CNTNAP5: variants seen among roughly 807,000 people sequenced by gnomAD.
CNTNAP5 encodes contactin-associated protein-like 5.
In CNTNAP5, 72 loss-of-function variants were observed where a neutral mutation model predicts 150.2. The ratio of observed to expected loss-of-function variants is 0.48; its 90% confidence interval spans 0.40 to 0.58. The LOEUF (loss-of-function observed/expected upper bound fraction) is 0.58, where lower values mean the gene tolerates loss of function less well. Ranked by LOEUF, CNTNAP5 falls within the 20% of genes least tolerant of loss-of-function variation. The pLI, the probability that CNTNAP5 is intolerant of heterozygous loss-of-function variation, is 0.00. For missense variants in CNTNAP5, 1,636 were observed against 1,626.2 expected (o/e 1.01, Z -0.10); for synonymous variants, 672 against 619.8 (o/e 1.08, Z -1.25).
intron 4 of CNTNAP5, among the ~76,000 whole-genome samples, chr2:124,419,957 C>CTTTCCTT (rs1692050960): frequency 2.4e-4 from 4 of 16,952 alleles, no homozygotes; most frequent in Non-Finnish European, 3.5e-4. Flanking sequence ...TCTTTCTTTC[C>CTTTCCTT]TTTTCTCTCT....
intron 13 of CNTNAP5, among the ~76,000 whole-genome samples, chr2:124,693,286 T>C (rs527965283): frequency 6.6e-6 from 1 of 152,288 alleles, no homozygotes; most frequent in East Asian, 1.9e-4. Flanking sequence ...TCTTTGACTA[T>C]GCTCTGAGAT....
At chr2:124,124,747 G>A (rs1039464941) in intron 1 of CNTNAP5, among the ~76,000 whole-genome samples, 3 of 152,148 alleles carry the variant, frequency 2.0e-5, no homozygotes, top group African/African-American at 7.2e-5. Context: ...GAAGAGAGTG[G>A]GGGCCAATAT....
At chr2:124,743,671 A>T (rs1680548336) in intron 13 of CNTNAP5, among the ~76,000 whole-genome samples, 1 of 152,230 alleles carries the variant, frequency 6.6e-6, no homozygotes, top group Non-Finnish European at 1.5e-5. Flanking sequence ...ATTCTGTGGT[A>T]GTCCAGCATC....
chr2:124,688,969 C>T (rs948996458), intron 13 of CNTNAP5, among the ~76,000 whole-genome samples: 1 of 152,066 alleles, frequency 6.6e-6, no homozygotes, highest in African/African-American at 2.4e-5. Context: ...TAATAGCAGG[C>T]AGATAATTAT....
chr2:124,232,881 C>T (rs1387348866), intron 2 of CNTNAP5, among the ~76,000 whole-genome samples: 3 of 152,086 alleles, frequency 2.0e-5, no homozygotes, highest in Non-Finnish European at 2.9e-5. Flanking sequence ...GAAAATCCAG[C>T]TCACACTGGT....
intron 10 of CNTNAP5, among the ~76,000 whole-genome samples, chr2:124,534,719 A>T (rs1391195033): frequency 1.3e-5 from 2 of 152,156 alleles, no homozygotes; most frequent in African/African-American, 2.4e-5. Context: ...CTGAAATACA[A>T]AAAAAACAAA....
chr2:124,552,830 T>C (rs1465866033), intron 10 of CNTNAP5, among the ~76,000 whole-genome samples: 1 of 152,168 alleles, frequency 6.6e-6, no homozygotes, highest in African/African-American at 2.4e-5. Context: ...AGTTTTCCAG[T>C]CCATTGAAGG....
At chr2:124,849,449 G>T (rs1018424791) in intron 19 of CNTNAP5, among the ~76,000 whole-genome samples, 1 of 152,062 alleles carries the variant, frequency 6.6e-6, no homozygotes, top group African/African-American at 2.4e-5. Flanking sequence ...TTGTAATATA[G>T]CTAGAAATTA....
intron 3 of CNTNAP5, among the ~76,000 whole-genome samples, chr2:124,313,702 T>C (rs746135836): frequency 6.6e-6 from 1 of 152,184 alleles, no homozygotes; most frequent in East Asian, 1.9e-4. Flanking sequence ...CATGCCATCA[T>C]GTCTTTGTGG....
At chr2:124,857,415 T>A (rs1402047487) in intron 19 of CNTNAP5, among the ~76,000 whole-genome samples, 3 of 151,998 alleles carry the variant, frequency 2.0e-5, no homozygotes, top group African/African-American at 7.2e-5. Flanking sequence ...TGTTACAGCC[T>A]CAGATGCAGG....
chr2:124,620,676 A>C (rs190654364), intron 12 of CNTNAP5, among the ~76,000 whole-genome samples: 1 of 152,098 alleles, frequency 6.6e-6, no homozygotes, highest in Admixed American at 6.6e-5. Context: ...TGTGGAGACA[A>C]TAAAAAATTG....
intron 13 of CNTNAP5, among the ~76,000 whole-genome samples, chr2:124,727,754 A>G (rs1187703540): frequency 6.6e-6 from 1 of 152,010 alleles, no homozygotes; most frequent in Non-Finnish European, 1.5e-5. Flanking sequence ...TCATCTGCAG[A>G]GACAATTTTA....
chr2:124,097,844 C>T (rs531538409), intron 1 of CNTNAP5, among the ~76,000 whole-genome samples: 4 of 152,186 alleles, frequency 2.6e-5, no homozygotes, highest in South Asian at 2.1e-4. Flanking sequence ...CTGGCTAACA[C>T]GGTGAAACCC....
At chr2:124,457,514 C>CT (rs574342932) in intron 6 of CNTNAP5, among the ~76,000 whole-genome samples, 11 of 151,916 alleles carry the variant, frequency 7.2e-5, no homozygotes, top group African/African-American at 9.7e-5. Flanking sequence ...AGACAATTCT[C>CT]TTTTTTTTAT....
intron 11 of CNTNAP5, among the ~76,000 whole-genome samples, chr2:124,582,406 C>G (rs1056846419): frequency 6.6e-6 from 1 of 152,126 alleles, no homozygotes; most frequent in African/African-American, 2.4e-5. Context: ...AGATTGAACT[C>G]AAGATTTCTG....
At chr2:124,663,684 C>G (rs910897557) in intron 13 of CNTNAP5, among the ~76,000 whole-genome samples, 1 of 152,028 alleles carries the variant, frequency 6.6e-6, no homozygotes, top group African/African-American at 2.4e-5. Flanking sequence ...CATTTTTTAT[C>G]TTGAGTAAAT....
chr2:124,195,622 C>T (rs1294310526), intron 1 of CNTNAP5, among the ~76,000 whole-genome samples: 1 of 152,110 alleles, frequency 6.6e-6, no homozygotes, highest in Non-Finnish European at 1.5e-5. Context: ...ATTAAATACA[C>T]ACACACACAC....
At chr2:124,670,184 T>TTC (rs1678789980) in intron 13 of CNTNAP5, among the ~76,000 whole-genome samples, 8 of 60,836 alleles carry the variant, frequency 1.3e-4, no homozygotes, top group African/African-American at 2.0e-4. Flanking sequence ...TTCCTCCCTC[T>TTC]CTTTCTCTTT....
At chr2:124,415,378 A>G (rs1356012200) in intron 3 of CNTNAP5, among the ~76,000 whole-genome samples, 1 of 152,204 alleles carries the variant, frequency 6.6e-6, no homozygotes, top group African/African-American at 2.4e-5. Context: ...AATTACATCA[A>G]TCGCCTAATT....
Sources: allele counts gnomAD v4.1 joint callset (sites outside exome capture counted in the v4.1 genomes callset), GRCh38; gene constraint gnomAD v4.1.1; transcripts MANE v1.5; gene names NCBI Gene and HGNC (gene_info 2026-07-23, HGNC 2026-07-21).